Variants in RNF128 observed in about 807,000 individuals in gnomAD.
The protein encoded by RNF128 is ring finger protein 128.
In RNF128, 13 loss-of-function variants were observed where a neutral mutation model predicts 26.2. The ratio of observed to expected loss-of-function variants is 0.50; its 90% CI spans 0.32 to 0.79. The LOEUF (loss-of-function observed/expected upper bound fraction) is 0.79, where lower values mean the gene tolerates loss of function less well. RNF128 is among the 30% of genes least tolerant of loss of function. The pLI, the probability that RNF128 is intolerant of heterozygous loss-of-function variation, is 0.03. For missense variants in RNF128, 315 were observed against 349.7 expected (o/e 0.90, Z 0.79); for synonymous variants, 149 against 142.5 (o/e 1.05, Z -0.32).
At chrX:106,727,900 G>A (rs1400945294) in intron 1 of RNF128, among the ~76,000 whole-genome samples, 2 of 110,929 alleles carry the variant, frequency 1.8e-5, no homozygotes, top group African/African-American at 3.3e-5. Flanking sequence ...TGCAATTTTG[G>A]TGGAAACTTT....
At chrX:106,749,357 G>A (rs1180659028) in intron 1 of RNF128, among the ~76,000 whole-genome samples, 1 of 112,000 alleles carries the variant, frequency 8.9e-6, no homozygotes, top group East Asian at 2.8e-4. Flanking sequence ...CGCATTATAA[G>A]AGACCCTTTC....
intron 1 of RNF128, among the ~76,000 whole-genome samples, chrX:106,713,464 C>G (rs1442215777): frequency 2.7e-5 from 3 of 110,689 alleles, no homozygotes; most frequent in African/African-American, 9.9e-5. Context: ...CCGAGATCAA[C>G]CACTGCACTC....
chrX:106,788,889 TATTATAC>T (rs1380533220), intron 4 of RNF128, among the ~76,000 whole-genome samples: 10 of 73,792 alleles, frequency 1.4e-4, no homozygotes, highest in African/African-American at 5.5e-4. Context: ...ATATATTATA[TATTATAC>T]ATTATATACT....
At chrX:106,694,247 C>G (rs1357034347) in exon 1 of RNF128, 1 of 1,210,748 alleles carries the variant, frequency 8.3e-7, no homozygotes, top group Admixed American at 2.2e-5. Flanking sequence ...GACCACAACA[C>G]TGAGTTTAGT....
At chrX:106,736,570 T>C (rs1271395885) in intron 1 of RNF128, among the ~76,000 whole-genome samples, 1 of 111,399 alleles carries the variant, frequency 9.0e-6, no homozygotes, top group East Asian at 2.8e-4. Context: ...CAAAATCTAA[T>C]GACCTTGAAG....
intron 2 of RNF128, among the ~76,000 whole-genome samples, chrX:106,783,184 CTAAT>C (rs1313203902): frequency 2.7e-5 from 3 of 111,311 alleles, no homozygotes; most frequent in African/African-American, 6.5e-5. Context: ...AATACTTTGG[CTAAT>C]ATTCTCCTTG....
chrX:106,759,349 A>G (rs1454979126), intron 1 of RNF128, among the ~76,000 whole-genome samples: 3 of 111,975 alleles, frequency 2.7e-5, no homozygotes, highest in African/African-American at 9.7e-5. Flanking sequence ...GTAAATTACT[A>G]CAGCCACTAT....
chrX:106,749,141 G>T (rs1298015946), intron 1 of RNF128, among the ~76,000 whole-genome samples: 1 of 111,717 alleles, frequency 9.0e-6, no homozygotes, highest in Non-Finnish European at 1.9e-5. Flanking sequence ...TTCTGGTCCT[G>T]TGTATGTTTT....
chrX:106,705,493 A>T lies in RNF128; in HGVS notation c.406+11085A>T, dbSNP rs187951403. 3.1e-3 allele frequency among the ~76,000 whole-genome samples: 344 copies of T among 112,114 alleles called. 3 individuals are homozygous for T. Among genetic ancestry groups the T allele is most frequent in the African/African-American group, 0.011 (334 of 30,858 alleles). The stretch of plus-strand genomic sequence containing the variant: ...CAGAATTGAATTAAATCCAATCAAC[A>T]TTTACTTATGTATATTTTTAGCTTT... On this transcript the variant is annotated intron_variant, in intron 1 of 6. Coordinates refer to the RNF128 transcript ENST00000324342.
At chrX:106,766,819 G>A (rs912318434) in intron 1 of RNF128, among the ~76,000 whole-genome samples, 1 of 111,687 alleles carries the variant, frequency 9.0e-6, no homozygotes, top group Non-Finnish European at 1.9e-5. Context: ...TATTTGCCTA[G>A]GTTTTCTTCT....
chrX:106,714,853 A>T (rs1406875421), intron 1 of RNF128, among the ~76,000 whole-genome samples: 2 of 111,485 alleles, frequency 1.8e-5, no homozygotes, highest in Non-Finnish European at 3.8e-5. Context: ...TTCTCGGGAG[A>T]TTCATCCAGA....
chrX:106,741,920 G>A (rs754674545), intron 1 of RNF128, among the ~76,000 whole-genome samples: 2 of 111,942 alleles, frequency 1.8e-5, no homozygotes, highest in East Asian at 2.8e-4. Flanking sequence ...GACATCTAAC[G>A]CAGTCAGGTC....
At chrX:106,726,532 C>T, upstream of RNF128, 1 of 434,723 alleles carries the variant, frequency 2.3e-6, no homozygotes, top group Non-Finnish European at 2.9e-6. Flanking sequence ...TATAAAACGA[C>T]GCGACACACC....
At chrX:106,782,421 C>T (rs1930582823) in intron 2 of RNF128, among the ~76,000 whole-genome samples, 1 of 111,681 alleles carries the variant, frequency 9.0e-6, no homozygotes, top group Non-Finnish European at 1.9e-5. Context: ...TGTAGGCATA[C>T]AGGTGGAAGG....
intron 1 of RNF128, among the ~76,000 whole-genome samples, chrX:106,755,062 G>C (rs1233800107): frequency 9.0e-6 from 1 of 111,605 alleles, no homozygotes; most frequent in African/African-American, 3.2e-5. Flanking sequence ...AATAGATAAA[G>C]ATGAAAAATG....
chrX:106,721,306 G>C (rs1322206324), intron 1 of RNF128, among the ~76,000 whole-genome samples: 1 of 111,886 alleles, frequency 8.9e-6, no homozygotes. Flanking sequence ...GATACCGTTT[G>C]TCCCAAGTTG....
chrX:106,780,744 T>A (rs1377550444), intron 2 of RNF128, among the ~76,000 whole-genome samples: 2 of 112,198 alleles, frequency 1.8e-5, no homozygotes, highest in East Asian at 5.6e-4. Context: ...CATTACACAA[T>A]GGAGGCAGTG....
In RNF128 at chrX:106,726,760, C is replaced by T. The variant is rs1929404208; in HGVS notation, c.-154C>T. The stretch of plus-strand genomic sequence containing the variant: ...GCATCTGCGGCAACCTGTGTGCTGA[C>T]GCTACGTGCCTCCTGGCTCCGACGT... On this transcript the variant is annotated 5_prime_UTR_variant, in exon 1 of 7. In the 5' UTR this introduces an upstream ATG that the reference lacks. Coordinates refer to ENST00000255499, the MANE Select transcript of RNF128 (RefSeq NM_194463.2). 7 of 1,064,054 alleles carry T rather than the reference C, an allele frequency of 6.6e-6. No homozygotes were observed. The highest frequency in any genetic ancestry group is 7.2e-5 in the East Asian group (2 of 27,642). 87.7% of individuals were successfully genotyped at this position (1,064,054 alleles called of 1,213,427 possible).
At chrX:106,767,040 A>T (rs1268334152) in intron 1 of RNF128, among the ~76,000 whole-genome samples, 6 of 110,950 alleles carry the variant, frequency 5.4e-5, no homozygotes, top group Non-Finnish European at 1.1e-4. Flanking sequence ...GTGTGGTATT[A>T]TTTCTGAGGG....
Sources: allele counts gnomAD v4.1 joint callset (sites outside exome capture counted in the v4.1 genomes callset), GRCh38; gene constraint gnomAD v4.1.1; transcripts MANE v1.5; gene names NCBI Gene and HGNC (gene_info 2026-07-23, HGNC 2026-07-21).